The following NBAS variants were observed in gnomAD, a reference collection of about 807,000 sequenced individuals.
NBAS encodes NAG/BC035112 fusion.
In NBAS, 219 loss-of-function variants were observed where a neutral mutation model predicts 302.5. That is an observed-to-expected ratio of 0.72 (90% confidence interval 0.65 to 0.81). The LOEUF (loss-of-function observed/expected upper bound fraction) is 0.81, where lower values mean the gene tolerates loss of function less well. NBAS is among the 30% of genes least tolerant of loss of function. The pLI is 0.00. For missense variants in NBAS, 2,932 were observed against 2,841.6 expected (o/e 1.03, Z -0.72); for synonymous variants, 1,118 against 1,021.6 (o/e 1.09, Z -1.80).
chr2:15,218,101 G>A (rs1029988461), intron 48 of NBAS, among the ~76,000 whole-genome samples: 3 of 152,084 alleles, frequency 2.0e-5, no homozygotes, highest in African/African-American at 7.2e-5. Context: ...GGCAGAGCAC[G>A]AAGGAAATGA....
chr2:15,497,192 G>A (rs1681104139), intron 11 of NBAS, among the ~76,000 whole-genome samples: 1 of 152,164 alleles, frequency 6.6e-6, no homozygotes. Flanking sequence ...TTTGGATAAT[G>A]TTAAGCATTT....
At chr2:15,257,647 C>A (rs1394443930) in intron 44 of NBAS, among the ~76,000 whole-genome samples, 1 of 152,100 alleles carries the variant, frequency 6.6e-6, no homozygotes, top group East Asian at 1.9e-4. Context: ...CCCACCTCAG[C>A]CTGCCAAAGT....
chr2:15,144,190 G>A, the NBAS span, among the ~76,000 whole-genome samples: 1 of 151,706 alleles, frequency 6.6e-6, no homozygotes, highest in African/African-American at 2.4e-5. Context: ...TGCACACACA[G>A]TGTCAAAAGA....
At chr2:15,260,224 T>G (rs1668786333) in intron 44 of NBAS, among the ~76,000 whole-genome samples, 2 of 152,222 alleles carry the variant, frequency 1.3e-5, no homozygotes, top group African/African-American at 2.4e-5. Flanking sequence ...GATTTTAATT[T>G]AGCTACATGA....
chr2:15,561,212 C>A lies in NBAS; in HGVS notation c.93G>T (p.Glu31Asp), dbSNP rs1325148453. The A allele has an allele frequency of 1.2e-6, 2 of 1,613,992 alleles. No individual in the cohort carries two copies. The highest frequency in any genetic ancestry group is 1.7e-6 in the Non-Finnish European group (2 of 1,180,032). ...CCTGTACTTCAGTCTCCGGTGGCCA[C>A]TCGGTGTTGACCAACAAGTCATAGA... ...TILYDLLVNT[E>D]WPPETEVQPR... Residue 31 changes from glutamate to aspartate, a missense_variant, in exon 1 of 52, where the codon GAG becomes GAT. Glu to Asp is a conservative substitution (Grantham distance 45). Coordinates refer to ENST00000281513, the MANE Select transcript of NBAS (RefSeq NM_015909.4).
chr2:15,014,381 A>G, the NBAS span, among the ~76,000 whole-genome samples: 3 of 152,152 alleles, frequency 2.0e-5, no homozygotes, highest in South Asian at 2.1e-4. Context: ...ATATTTTAGG[A>G]CACAAAACAA....
At chr2:15,473,117 T>A in intron 16 of NBAS, 105 bp downstream of exon 16, 2 of 1,289,588 alleles carry the variant, frequency 1.6e-6, no homozygotes, top group Non-Finnish European at 2.2e-6. Context: ...ATTGGCTGTA[T>A]TATAGAAAAG....
the NBAS span, among the ~76,000 whole-genome samples, chr2:14,977,866 GT>G: frequency 6.0e-5 from 9 of 151,154 alleles, no homozygotes; most frequent in East Asian, 3.9e-4. Context: ...AATAGGGATT[GT>G]TTTTTTTTAA....
chr2:14,979,818 T>C, the NBAS span, among the ~76,000 whole-genome samples: 1 of 152,176 alleles, frequency 6.6e-6, no homozygotes, highest in African/African-American at 2.4e-5. Flanking sequence ...TGGAAGCCTC[T>C]CCTGGTTAGT....
At chr2:15,066,167 C>T in the NBAS span, among the ~76,000 whole-genome samples, 1 of 152,086 alleles carries the variant, frequency 6.6e-6, no homozygotes, top group African/African-American at 2.4e-5. Context: ...ACTGGGAAAA[C>T]TAGATACCTA....
Position 15,394,216 on chromosome 2 carries a change from T to G in NBAS, c.3257+11A>C, listed in dbSNP as rs1390286523. 2.5e-6 allele frequency: 4 copies of G among 1,582,626 alleles called. No individual in the cohort carries two copies. Among genetic ancestry groups the G allele is most frequent in the Non-Finnish European group, 3.4e-6 (4 of 1,161,562 alleles). On this transcript the variant is annotated intron_variant, in intron 28 of 51. Coordinates refer to ENST00000281513, the MANE Select transcript of NBAS (RefSeq NM_015909.4). ...TAATTGACCCAAGTATCAATTAATT[T>G]TATTACTCACTTCCGGCCAGTGTGC...
the NBAS span, among the ~76,000 whole-genome samples, chr2:15,082,006 A>G: frequency 6.6e-6 from 1 of 152,234 alleles, no homozygotes; most frequent in African/African-American, 2.4e-5. Context: ...GAATAATGAT[A>G]TCTATCTACC....
At chr2:14,806,379 G>A in the NBAS span, among the ~76,000 whole-genome samples, 1 of 151,898 alleles carries the variant, frequency 6.6e-6, no homozygotes, top group Non-Finnish European at 1.5e-5. Context: ...GTTCAGCCTG[G>A]GTGCATATTC....
At chr2:15,478,952 A>G (rs896249529) in intron 12 of NBAS, among the ~76,000 whole-genome samples, 3 of 152,322 alleles carry the variant, frequency 2.0e-5, no homozygotes, top group African/African-American at 4.8e-5. Context: ...GAATTACAAT[A>G]GTATGGGCAA....
the NBAS span, among the ~76,000 whole-genome samples, chr2:14,873,836 G>A: frequency 1.1e-3 from 152 of 137,988 alleles, no homozygotes; most frequent in African/African-American, 5.0e-3. Flanking sequence ...AAAATATATT[G>A]CATTACATTT....
chr2:15,312,568 T>C (rs1279788030), intron 38 of NBAS, among the ~76,000 whole-genome samples: 1 of 152,186 alleles, frequency 6.6e-6, no homozygotes, highest in Non-Finnish European at 1.5e-5. Context: ...TGAGCTACCA[T>C]GCCCAGTCTC....
At chr2:15,297,776 T>C (rs990519640) in intron 40 of NBAS, among the ~76,000 whole-genome samples, 2 of 152,210 alleles carry the variant, frequency 1.3e-5, no homozygotes, top group African/African-American at 2.4e-5. Flanking sequence ...TTTTCAATGA[T>C]AGATTTAATG....
At chr2:15,228,216 A>C (rs921100324) in intron 47 of NBAS, among the ~76,000 whole-genome samples, 1 of 152,226 alleles carries the variant, frequency 6.6e-6, no homozygotes, top group African/African-American at 2.4e-5. Context: ...GACATTTCTC[A>C]AAAGAAGACA....
intron 9 of NBAS, among the ~76,000 whole-genome samples, chr2:15,526,717 G>A (rs529786198): frequency 6.6e-6 from 1 of 152,144 alleles, no homozygotes; most frequent in Admixed American, 6.5e-5. Flanking sequence ...ACCAAGAGAT[G>A]TAAATGATTG....
Sources: gnomAD v4.1 joint callset for allele counts (sites outside exome capture counted in the v4.1 genomes callset) on GRCh38, gnomAD v4.1.1 for gene constraint, MANE v1.5 for transcripts, NCBI Gene and HGNC (gene_info 2026-07-23, HGNC 2026-07-21) for gene names.